SHPRH: variants seen among roughly 807,000 people sequenced by gnomAD.
SHPRH encodes E3 ubiquitin-protein ligase SHPRH.
Under a neutral mutation model 202.5 loss-of-function variants are expected in SHPRH, and 106 were observed. That is an observed-to-expected ratio of 0.52 (90% CI 0.45 to 0.62). The LOEUF is 0.62. SHPRH is among the 20% of genes least tolerant of loss of function. SHPRH has a pLI of 0.00. For missense variants in SHPRH, 1,710 were observed against 2,020.0 expected, an observed-to-expected ratio of 0.85 and a Z score of 2.94; for synonymous variants, 729 against 686.0, an observed-to-expected ratio of 1.06 and a Z score of -0.98.
At chr6:145,865,486 A>G (rs1190143102) in intron 2 of SHPRH, among the ~76,000 whole-genome samples, 2 of 152,226 alleles carry the variant, frequency 1.3e-5, no homozygotes, top group Non-Finnish European at 2.9e-5. Flanking sequence ...AATAAAATCT[A>G]TTGTTTCCAC....
intron 2 of SHPRH, among the ~76,000 whole-genome samples, chr6:145,873,379 G>T (rs1272233025): frequency 6.6e-6 from 1 of 152,026 alleles, no homozygotes; most frequent in Non-Finnish European, 1.5e-5. Context: ...AAAAAAGGAT[G>T]AATGCCATTT....
intron 25 of SHPRH, among the ~76,000 whole-genome samples, chr6:145,902,179 C>T (rs1782561463): frequency 6.6e-6 from 1 of 152,066 alleles, no homozygotes; most frequent in African/African-American, 2.4e-5. Flanking sequence ...GAATTTGGGG[C>T]AGGAAGTCAA....
rs776111141 is a variant in SHPRH at position 145,921,128 on chromosome 6, G to T, written c.4008+39C>A. 3.2e-6 allele frequency: 5 copies of T among 1,547,808 alleles called. No individual in the cohort carries two copies. In the South Asian group the frequency reaches 3.5e-5, roughly 11 times the overall value. ...CAGTTAAAATTGATGTAAAAAAGAA[G>T]AATTTTTAATTTTGGAAGGAAGTTT... On this transcript the variant is annotated intron_variant, in intron 21 of 29. Transcript: ENST00000275233.
chr6:145,915,469 T>C (rs1385463696), intron 23 of SHPRH, among the ~76,000 whole-genome samples: 2 of 151,938 alleles, frequency 1.3e-5, no homozygotes, highest in Non-Finnish European at 2.9e-5. Context: ...GTGATGTGTG[T>C]TTACTGGAGA....
chr6:145,887,287 A>G (rs1781115413), intron 29 of SHPRH, among the ~76,000 whole-genome samples: 1 of 152,186 alleles, frequency 6.6e-6, no homozygotes, highest in East Asian at 1.9e-4. Context: ...TCTAGTTTCA[A>G]ATTGCTTCTT....
rs1786683334 is a variant in SHPRH, at chr6:145,940,741, C to CTGTAG, written c.2550_2551insCTACA (p.Val851LeufsTer7). On this transcript the variant is annotated frameshift_variant, in exon 11 of 30. Transcript: ENST00000275233. LOFTEE classifies it high-confidence loss of function. ...ACATTACCCTCTAATCCTCTCTGTA[C>CTGTAG]TGGAGTGCCACTGATACACCATCGA... 1 of 1,613,624 alleles carries CTGTAG rather than the reference C, an allele frequency of 6.2e-7. No homozygotes were observed. Among genetic ancestry groups the CTGTAG allele is most frequent in the African/African-American group, 1.3e-5 (1 of 74,874 alleles).
chr6:145,886,910 C>T, intron 29 of SHPRH, 123 bp from the exon 30 acceptor site: 1 of 945,872 alleles, frequency 1.1e-6, no homozygotes, highest in South Asian at 2.4e-5. Flanking sequence ...ATATAAGAAA[C>T]TCCCAGAGGA....
intron 14 of SHPRH, among the ~76,000 whole-genome samples, chr6:145,929,922 A>G (rs1226108039): frequency 1.3e-5 from 2 of 152,104 alleles, no homozygotes; most frequent in Non-Finnish European, 1.5e-5. Flanking sequence ...CTCTGTTTTT[A>G]TAACGTTTTC....
Position 145,933,073 on chromosome 6 carries a change from G to A in SHPRH, c.3096C>T (p.Gly1032=). 1 of 1,613,358 alleles carries A rather than the reference G, an allele frequency of 6.2e-7. No individual in the cohort carries two copies. Among genetic ancestry groups the A allele is most frequent in the Non-Finnish European group, 8.5e-7 (1 of 1,179,604 alleles). Reference sequence around the variant, plus strand: ...ACCTTCTACCTTTAATAATATGAATGCCTGCTAAGCCATTGAGAGCACAAA... The same window carrying A: ...ACCTTCTACCTTTAATAATATGAATACCTGCTAAGCCATTGAGAGCACAAA... ...QLVCALNGLA[G]IHIIKGEYAL... is the part of the protein sequence containing the mutation. The change falls in exon 14 of 30, where the codon GGC becomes GGT. Residue 1032 remains glycine, a synonymous_variant. Coordinates refer to ENST00000275233, the MANE Select transcript of SHPRH (RefSeq NM_001042683.3).
intron 4 of SHPRH, among the ~76,000 whole-genome samples, chr6:145,948,659 T>A (rs1337095768): frequency 6.6e-6 from 1 of 152,050 alleles, no homozygotes; most frequent in Non-Finnish European, 1.5e-5. Context: ...CTAATACATA[T>A]AACCAGCTCC....
At chr6:145,861,906 G>T (rs1583239365), downstream of SHPRH, among the ~76,000 whole-genome samples, 1 of 152,046 alleles carries the variant, frequency 6.6e-6, no homozygotes, top group African/African-American at 2.4e-5. Context: ...TAAGCCAGAC[G>T]CAGAAAGACA....
chr6:145,938,160 G>C (rs1014185295), intron 11 of SHPRH, among the ~76,000 whole-genome samples: 3 of 152,068 alleles, frequency 2.0e-5, no homozygotes, highest in Non-Finnish European at 4.4e-5. Flanking sequence ...AATTATATGT[G>C]ACTCAGTCAT....
At position 145,888,092 on chromosome 6, in the gene SHPRH, A is replaced by C. The variant is rs767193716; in HGVS notation, c.4883T>G (p.Ile1628Ser). Residue 1628 changes from isoleucine (I) to serine (S), a missense_variant, in exon 29 of 30, where the codon ATT becomes AGT. By Grantham distance (142) the Ile-to-Ser change is moderately radical (BLOSUM62 -2). Transcript: ENST00000275233. ...VHRIGQTKPT[I>S]VHRFLIKATI... ...TGCTTTAATTAAGAATCTGTGTACA[A>C]TAGTAGGTCTAAAAGGTACAGAAGA... The C allele has an allele frequency of 1.2e-6, 2 of 1,609,478 alleles. No homozygotes were observed. The highest frequency in any genetic ancestry group is 2.2e-5 in the South Asian group (2 of 90,858).
chr6:145,898,187 T>C (rs1030695496), intron 25 of SHPRH, among the ~76,000 whole-genome samples: 3 of 151,812 alleles, frequency 2.0e-5, no homozygotes, highest in Non-Finnish European at 4.4e-5. Flanking sequence ...CAAAAATCAG[T>C]AGCATTTCTA....
At chr6:145,920,462 TTA>T (rs1423687902) in intron 21 of SHPRH, among the ~76,000 whole-genome samples, 2 of 152,084 alleles carry the variant, frequency 1.3e-5, no homozygotes, top group Non-Finnish European at 2.9e-5. Context: ...ATTCCCCAAT[TTA>T]TGACATATGA....
intron 2 of SHPRH, among the ~76,000 whole-genome samples, chr6:145,864,932 A>AACAC (rs535717920): frequency 0.01 from 1,362 of 133,930 alleles, 10 homozygotes; most frequent in South Asian, 0.033. Context: ...AAAATTTATA[A>AACAC]ACACACACAC....
chr6:145,873,219 A>T (rs1463107867), intron 2 of SHPRH, among the ~76,000 whole-genome samples: 1 of 152,172 alleles, frequency 6.6e-6, no homozygotes, highest in Non-Finnish European at 1.5e-5. Context: ...TGATTATGTC[A>T]GGGACTAGGT....
At position 145,935,361 on chromosome 6, in the gene SHPRH, A is replaced by T. The variant is rs184688655; in HGVS notation, c.2650T>A (p.Tyr884Asn). The change falls in exon 12 of 30, where the codon TAC (tyrosine) becomes AAC (asparagine). Residue 884 changes from tyrosine (Y) to asparagine (N), a missense_variant. By Grantham distance (143) the Tyr-to-Asn change is moderately radical. Coordinates refer to ENST00000275233, the MANE Select transcript of SHPRH (RefSeq NM_001042683.3). ...HWWVRLLYRP[Y>N]CKKNPQHLYS... ...AGATGCTGAGGATTCTTCTTGCAGT[A>T]AGGCCGATAGAGAAGTCGAACCCAC... The T allele has an allele frequency of 6.2e-7, 1 of 1,614,040 alleles. No homozygotes were observed. Among genetic ancestry groups the T allele is most frequent in the African/African-American group, 1.3e-5 (1 of 75,016 alleles).
intron 16 of SHPRH, among the ~76,000 whole-genome samples, chr6:145,925,525 T>G (rs1784800388): frequency 1.3e-5 from 2 of 151,802 alleles, no homozygotes; most frequent in African/African-American, 4.8e-5. Flanking sequence ...AAACAACCAG[T>G]GCAAAAAGGC....
Sources: gnomAD v4.1 joint callset for allele counts (sites outside exome capture counted in the v4.1 genomes callset) on GRCh38, gnomAD v4.1.1 for gene constraint, MANE v1.5 for transcripts, NCBI Gene and HGNC (gene_info 2026-07-23, HGNC 2026-07-21) for gene names.